The following HDHD2 variants were observed in gnomAD, a reference collection of about 807,000 sequenced individuals.
HDHD2 encodes the protein haloacid dehalogenase-like hydrolase domain-containing protein 2.
In HDHD2, 26 loss-of-function variants were observed where a neutral mutation model predicts 24.8. The observed-to-expected ratio is 1.05, with a 90% CI of 0.77 to 1.45. The LOEUF (loss-of-function observed/expected upper bound fraction) is 1.45. HDHD2 is among the 40% of genes most tolerant of loss of function. The probability of loss-of-function intolerance (pLI) is 0.00; values close to 1 mark genes in which losing one functional copy is unlikely to be tolerated. For synonymous variants in HDHD2, 128 were observed against 114.9 expected (o/e 1.11, Z -0.73); for missense variants, 299 against 313.4 (o/e 0.95, Z 0.35).
intron 4 of HDHD2, among the ~76,000 whole-genome samples, chr18:47,117,613 T>C (rs2063568276): frequency 6.6e-6 from 1 of 152,136 alleles, no homozygotes; most frequent in South Asian, 2.1e-4. Context: ...CAGCACAAAA[T>C]GTAAAAAGAT....
At chr18:47,137,248 A>G (rs754878409) in intron 1 of HDHD2, 11 of 575,812 alleles carry the variant, frequency 1.9e-5, no homozygotes, top group Non-Finnish European at 3.3e-5. Flanking sequence ...CACATTTGGA[A>G]ATGGAGGCTG....
intron 2 of HDHD2, 130 bp from the exon 3 acceptor site, chr18:47,134,834 C>CT (rs1311903110): frequency 5.9e-6 from 4 of 681,526 alleles, no homozygotes; most frequent in Non-Finnish European, 1.0e-5. Context: ...CCTCTTGCCC[C>CT]TCCAGAATGG....
rs547997414 is a variant in HDHD2, at chr18:47,119,587, T to C, written c.396-4239A>G. Among the ~76,000 whole-genome samples the C allele has an allele frequency of 1.5e-3, 222 of 152,354 alleles. 1 individual carries two copies. The highest frequency in any genetic ancestry group is 5.1e-3 in the African/African-American group (213 of 41,592). ...CTATTTCCACCACATCTGCAGTTAC[T>C]TCCTTCACTGAAGTCTTGAACCCCT... On this transcript the variant is annotated intron_variant, in intron 4 of 6. Coordinates refer to ENST00000300605, the MANE Select transcript of HDHD2 (RefSeq NM_032124.5).
chr18:47,113,941 G>A (rs1482200122), intron 5 of HDHD2, among the ~76,000 whole-genome samples: 1 of 152,100 alleles, frequency 6.6e-6, no homozygotes, highest in East Asian at 1.9e-4. Context: ...ACAATGAGAC[G>A]GTGGGGGGCA....
chr18:47,136,486 G>T, intron 1 of HDHD2, 37 bp from the exon 2 acceptor site: 7 of 1,559,792 alleles, frequency 4.5e-6, no homozygotes, highest in Non-Finnish European at 5.3e-6. Flanking sequence ...ATACAGTTTA[G>T]GAAACAATGG....
chr18:47,136,215 CA>C, intron 2 of HDHD2, 123 bp downstream of exon 2: 1 of 1,157,160 alleles, frequency 8.6e-7, no homozygotes, highest in Non-Finnish European at 1.2e-6. Context: ...AAACCCAAGG[CA>C]GTTCCTATAT....
At chr18:47,130,675 C>T (rs1470490292) in intron 3 of HDHD2, among the ~76,000 whole-genome samples, 1 of 152,148 alleles carries the variant, frequency 6.6e-6, no homozygotes, top group Non-Finnish European at 1.5e-5. Flanking sequence ...TTACTGATTA[C>T]AATCAACAAT....
chr18:47,129,505 TC>T (rs2063691588), intron 4 of HDHD2, among the ~76,000 whole-genome samples: 1 of 152,096 alleles, frequency 6.6e-6, no homozygotes, highest in Non-Finnish European at 1.5e-5. Context: ...GACTCACTCT[TC>T]TACTTCACTG....
At chr18:47,121,280 C>A (rs1416854033) in intron 4 of HDHD2, among the ~76,000 whole-genome samples, 2 of 152,120 alleles carry the variant, frequency 1.3e-5, no homozygotes, top group African/African-American at 4.8e-5. Flanking sequence ...TGTCCAACGT[C>A]AAACTGGTAA....
chr18:47,143,347 T>A (rs1754768232), intron 1 of HDHD2, among the ~76,000 whole-genome samples: 1 of 152,290 alleles, frequency 6.6e-6, no homozygotes, highest in South Asian at 2.1e-4. Context: ...TCTCAGCTAC[T>A]GGGATTGCGT....
At chr18:47,140,087 A>G (rs1287385455) in intron 1 of HDHD2, among the ~76,000 whole-genome samples, 2 of 152,282 alleles carry the variant, frequency 1.3e-5, no homozygotes, top group South Asian at 2.1e-4. Flanking sequence ...GCTTAGTTTT[A>G]CCATTTTAGA....
intron 4 of HDHD2, among the ~76,000 whole-genome samples, chr18:47,125,057 G>A (rs2063644695): frequency 6.6e-6 from 1 of 152,196 alleles, no homozygotes; most frequent in African/African-American, 2.4e-5. Flanking sequence ...AGCTACTTGG[G>A]AGGCTAAGGC....
chr18:47,118,904 A>T (rs1443593782), intron 4 of HDHD2, among the ~76,000 whole-genome samples: 1 of 114,948 alleles, frequency 8.7e-6, no homozygotes, highest in Non-Finnish European at 2.3e-5. Flanking sequence ...TTCCAAATAC[A>T]GGGATATCTA....
At chr18:47,120,943 C>T (rs2063600119) in intron 4 of HDHD2, among the ~76,000 whole-genome samples, 1 of 152,094 alleles carries the variant, frequency 6.6e-6, no homozygotes, top group Non-Finnish European at 1.5e-5. Flanking sequence ...ACAACAGTAA[C>T]ACCAAAGATC....
At chr18:47,134,894 G>A (rs760420230) in intron 2 of HDHD2, among the ~76,000 whole-genome samples, 190 bp from the exon 3 acceptor site, 1 of 152,194 alleles carries the variant, frequency 6.6e-6, no homozygotes, top group Non-Finnish European at 1.5e-5. Flanking sequence ...TTCACCAGAT[G>A]TAAAAAGATT....
chr18:47,124,347 G>A (rs2063635967), intron 4 of HDHD2, among the ~76,000 whole-genome samples: 1 of 152,070 alleles, frequency 6.6e-6, no homozygotes, highest in South Asian at 2.1e-4. Flanking sequence ...GAGTGAAAAG[G>A]CAAATCAAAG....
chr18:47,112,857 T>C (rs1307919499), intron 6 of HDHD2, 120 bp downstream of exon 6: 1 of 771,426 alleles, frequency 1.3e-6, no homozygotes, highest in South Asian at 1.7e-5. Context: ...TATTTTTGCT[T>C]TGTGGCAGGA....
intron 6 of HDHD2, chr18:47,111,608 T>C (rs909312775): frequency 1.0e-5 from 10 of 985,290 alleles, no homozygotes; most frequent in Non-Finnish European, 1.2e-5. Context: ...GTGATCATTT[T>C]GACTGAGACA....
In HDHD2 at chr18:47,115,243, C is replaced by T; in HGVS notation, c.501G>A (p.Glu167=). 2 of 1,614,012 alleles carry T rather than the reference C, an allele frequency of 1.2e-6. No individual in the cohort carries two copies. The highest frequency in any genetic ancestry group is 1.7e-6 in the Non-Finnish European group (2 of 1,179,906). The change falls in exon 5 of 7, where the codon GAG becomes GAA. Residue 167 remains glutamate (E), a synonymous_variant. Coordinates refer to ENST00000300605, the MANE Select transcript of HDHD2 (RefSeq NM_032124.5). ...CTGTGGCTTTGGTATCTGTGGCATA[C>T]TCTAAAGCAGTCACAAATGGTCCAG... ...LGPGPFVTAL[E]YATDTKATVV... is the part of the protein sequence containing the mutation.
Sources: allele counts gnomAD v4.1 joint callset (sites outside exome capture counted in the v4.1 genomes callset), GRCh38; gene constraint gnomAD v4.1.1; transcripts MANE v1.5; gene names NCBI Gene and HGNC (gene_info 2026-07-23, HGNC 2026-07-21).